Variants in CSMD1 observed in about 807,000 individuals in gnomAD.
CSMD1 encodes the protein CUB and Sushi multiple domains 1.
In CSMD1, 213 loss-of-function variants were observed where a neutral mutation model predicts 417.5. The ratio of observed to expected loss-of-function variants is 0.51; its 90% CI spans 0.46 to 0.57. The LOEUF (loss-of-function observed/expected upper bound fraction) is 0.57. CSMD1 is among the 20% of genes least tolerant of loss of function. CSMD1 has a pLI of 0.00. For missense variants in CSMD1, 6,923 were observed against 4,529.7 expected (o/e 1.53, Z -15.17); for synonymous variants, 2,862 against 1,736.8 (o/e 1.65, Z -16.11).
intron 3 of CSMD1, among the ~76,000 whole-genome samples, chr8:4,119,312 A>T (rs1043389906): frequency 1.3e-5 from 2 of 152,188 alleles, no homozygotes; most frequent in African/African-American, 4.8e-5. Flanking sequence ...TCAACAGGCA[A>T]ATTACTAATC....
intron 3 of CSMD1, among the ~76,000 whole-genome samples, chr8:4,139,856 G>A (rs982049924): frequency 1.3e-5 from 2 of 150,926 alleles, no homozygotes; most frequent in East Asian, 1.9e-4. Context: ...GTGATCAGAT[G>A]GAAATTTTAG....
At chr8:3,065,640 G>C (rs190697762) in intron 49 of CSMD1, among the ~76,000 whole-genome samples, 1 of 152,266 alleles carries the variant, frequency 6.6e-6, no homozygotes, top group East Asian at 1.9e-4. Context: ...TAGATTGATA[G>C]ATAAAAAATG....
intron 3 of CSMD1, among the ~76,000 whole-genome samples, chr8:4,109,577 G>C (rs1014534106): frequency 3.9e-5 from 6 of 152,116 alleles, no homozygotes; most frequent in Admixed American, 2.6e-4. Context: ...TCAATGTCTG[G>C]AACTACGCAG....
intron 1 of CSMD1, among the ~76,000 whole-genome samples, chr8:4,777,074 A>G (rs1422549378): frequency 6.6e-6 from 1 of 152,198 alleles, no homozygotes; most frequent in African/African-American, 2.4e-5. Flanking sequence ...TACTGAAAAC[A>G]TTTTATTTAG....
intron 3 of CSMD1, among the ~76,000 whole-genome samples, chr8:4,329,241 T>G (rs532658648): frequency 1.3e-5 from 2 of 152,308 alleles, no homozygotes; most frequent in South Asian, 2.1e-4. Context: ...TGTTGACATA[T>G]GCACAGAATA....
intron 2 of CSMD1, among the ~76,000 whole-genome samples, chr8:4,530,060 G>T (rs968288539): frequency 6.6e-6 from 1 of 151,694 alleles, no homozygotes; most frequent in Non-Finnish European, 1.5e-5. Flanking sequence ...GACTACAGGT[G>T]CCCGCCACCA....
intron 7 of CSMD1, chr8:3,704,763 C>T (rs576727488): frequency 6.6e-6 from 1 of 152,188 alleles, no homozygotes; most frequent in Non-Finnish European, 1.5e-5. Flanking sequence ...AATTATCAAA[C>T]TGCAAGTTTC....
At chr8:4,786,803 A>G (rs760420984) in intron 1 of CSMD1, among the ~76,000 whole-genome samples, 1 of 152,146 alleles carries the variant, frequency 6.6e-6, no homozygotes, top group Non-Finnish European at 1.5e-5. Flanking sequence ...AGATTTGTCA[A>G]TTAATCCTAA....
At position 4,716,157 on chromosome 8, in the gene CSMD1, A is replaced by C. The variant is rs139406496; in HGVS notation, c.86-78599T>G. Among the ~76,000 whole-genome samples, 402 of 152,284 alleles carry C rather than the reference A, an allele frequency of 2.6e-3. 3 individuals are homozygous for C. The highest frequency in any genetic ancestry group is 9.4e-3 in the African/African-American group (389 of 41,564). ...CTGCCTGGTGAGCCAGGCTGACTTC[A>C]CACTTCAGCGAGGAATCCCCCTGAG... On this transcript the variant is annotated intron_variant, in intron 1 of 69. Transcript: ENST00000635120.
chr8:4,678,244 C>T (rs903626895), intron 1 of CSMD1, among the ~76,000 whole-genome samples: 2 of 151,828 alleles, frequency 1.3e-5, no homozygotes, highest in African/African-American at 4.8e-5. Context: ...AACCCTGTCT[C>T]TAATGAAAAT....
At chr8:2,957,434 C>T (rs1211122165) in intron 63 of CSMD1, among the ~76,000 whole-genome samples, 1 of 152,142 alleles carries the variant, frequency 6.6e-6, no homozygotes, top group African/African-American at 2.4e-5. Context: ...TTAAACTAAA[C>T]TGTCCCCCTT....
At chr8:4,004,089 C>G (rs933562667) in intron 4 of CSMD1, among the ~76,000 whole-genome samples, 1 of 152,004 alleles carries the variant, frequency 6.6e-6, no homozygotes, top group African/African-American at 2.4e-5. Context: ...AAAAGCAGAA[C>G]AAATTTATCT....
intron 5 of CSMD1, among the ~76,000 whole-genome samples, chr8:3,964,980 A>G (rs1812572181): frequency 6.6e-6 from 1 of 152,136 alleles, no homozygotes; most frequent in South Asian, 2.1e-4. Flanking sequence ...AGTCACAGCA[A>G]ACTCTCTAGG....
At chr8:3,466,192 G>A (rs2117176228) in intron 12 of CSMD1, among the ~76,000 whole-genome samples, 1 of 151,674 alleles carries the variant, frequency 6.6e-6, no homozygotes, top group Non-Finnish European at 1.5e-5. Flanking sequence ...TGAAGCAGTT[G>A]TGATTACTAG....
At chr8:4,560,172 G>A (rs373925690) in intron 2 of CSMD1, among the ~76,000 whole-genome samples, 76 of 152,288 alleles carry the variant, frequency 5.0e-4, no homozygotes, top group African/African-American at 7.2e-4. Flanking sequence ...TCATCTCACC[G>A]CACTTTCTCA....
At chr8:3,729,789 G>C (rs990620128) in intron 6 of CSMD1, among the ~76,000 whole-genome samples, 6 of 151,962 alleles carry the variant, frequency 3.9e-5, no homozygotes, top group Admixed American at 6.6e-5. Flanking sequence ...TAGATATCCT[G>C]ATGACCATGA....
intron 2 of CSMD1, among the ~76,000 whole-genome samples, chr8:4,546,436 G>C (rs897817589): frequency 6.6e-6 from 1 of 152,172 alleles, no homozygotes; most frequent in Admixed American, 6.5e-5. Context: ...ACTGAGTGAA[G>C]AACCACCCTT....
intron 3 of CSMD1, among the ~76,000 whole-genome samples, chr8:4,332,419 G>A (rs982404461): frequency 1.3e-5 from 2 of 152,004 alleles, no homozygotes; most frequent in African/African-American, 4.8e-5. Context: ...TTCTTTCTAG[G>A]CACCTGTGAG....
intron 2 of CSMD1, among the ~76,000 whole-genome samples, chr8:4,463,088 C>T (rs1563202522): frequency 6.6e-6 from 1 of 152,074 alleles, no homozygotes; most frequent in Non-Finnish European, 1.5e-5. Flanking sequence ...TCTCTTAAAA[C>T]TCAGCAATAA....
Sources: allele counts gnomAD v4.1 joint callset (sites outside exome capture counted in the v4.1 genomes callset), GRCh38; gene constraint gnomAD v4.1.1; transcripts MANE v1.5; gene names NCBI Gene and HGNC (gene_info 2026-07-23, HGNC 2026-07-21).